The following LRFN5 variants were observed in gnomAD, a reference collection of about 807,000 sequenced individuals.
LRFN5 encodes leucine rich repeat and fibronectin type III domain containing 5.
A neutral mutation model predicts 45.6 loss-of-function variants in LRFN5; 24 were observed. The observed-to-expected ratio is 0.53, with a 90% CI of 0.38 to 0.74. The LOEUF (loss-of-function observed/expected upper bound fraction) is 0.74. Ranked by LOEUF, LRFN5 falls within the 30% of genes least tolerant of loss-of-function variation. The probability of loss-of-function intolerance (pLI) is 0.00; values close to 1 mark genes in which losing one functional copy is unlikely to be tolerated. For synonymous variants in LRFN5, 340 were observed against 313.8 expected (o/e 1.08, Z -0.88); for missense variants, 776 against 861.5 (o/e 0.90, Z 1.24).
At chr14:41,733,561 C>G (rs1884274330) in intron 1 of LRFN5, 1 of 152,028 alleles carries the variant, frequency 6.6e-6, no homozygotes, top group Non-Finnish European at 1.5e-5. Flanking sequence ...AAGGAGAGTT[C>G]TGCAGATCAA....
At chr14:41,748,949 G>C (rs1262136114) in intron 1 of LRFN5, among the ~76,000 whole-genome samples, 2 of 151,680 alleles carry the variant, frequency 1.3e-5, no homozygotes, top group Admixed American at 6.6e-5. Context: ...GGAGGCAGTG[G>C]ATTCTATAGC....
chr14:41,711,800 CAAAGA>C (rs1401110307), intron 1 of LRFN5, among the ~76,000 whole-genome samples: 2 of 151,958 alleles, frequency 1.3e-5, no homozygotes, highest in Non-Finnish European at 2.9e-5. Flanking sequence ...AAGAAGAAGT[CAAAGA>C]AAACAGAATT....
At chr14:41,878,854 T>A (rs1890276361) in intron 2 of LRFN5, among the ~76,000 whole-genome samples, 1 of 152,098 alleles carries the variant, frequency 6.6e-6, no homozygotes, top group African/African-American at 2.4e-5. Context: ...ATTGATTTTT[T>A]AAAAGTGGTT....
chr14:41,625,776 T>A (rs939110011), intron 1 of LRFN5, among the ~76,000 whole-genome samples: 3 of 152,068 alleles, frequency 2.0e-5, no homozygotes, highest in African/African-American at 2.4e-5. Flanking sequence ...GTAAAAAAAA[T>A]GTCAAGTACA....
chr14:41,680,658 G>C (rs1310330394), intron 1 of LRFN5, among the ~76,000 whole-genome samples: 1 of 152,006 alleles, frequency 6.6e-6, no homozygotes. Context: ...CCAAGGACAG[G>C]TACAAGCAAG....
chr14:41,874,193 T>C (rs1270768449), intron 2 of LRFN5, among the ~76,000 whole-genome samples: 1 of 152,128 alleles, frequency 6.6e-6, no homozygotes, highest in East Asian at 1.9e-4. Flanking sequence ...AATGTGTGAG[T>C]CTTTCCTAAT....
rs1890037659 is a variant in LRFN5, at chr14:41,872,037, CCTAT to C, written c.-20-14565_-20-14562del. Among the ~76,000 whole-genome samples, 22 of 152,200 alleles carry C rather than the reference CCTAT, an allele frequency of 1.4e-4. 1 individual carries two copies. In the South Asian group the frequency reaches 4.6e-3, roughly 32 times the overall value. ...TAGCTGGTTTGAAATAATAATCTCT[CCTAT>C]CTAAGTTACTATCAAGAAATGCTTC... On this transcript the variant is annotated intron_variant, in intron 2 of 5. Coordinates refer to ENST00000298119, the MANE Select transcript of LRFN5 (RefSeq NM_152447.5).
At chr14:41,861,834 A>G (rs1053793899) in intron 2 of LRFN5, among the ~76,000 whole-genome samples, 6 of 152,170 alleles carry the variant, frequency 3.9e-5, no homozygotes, top group East Asian at 1.9e-4. Context: ...GAAAAAGACT[A>G]TTGCCAACAG....
intron 1 of LRFN5, among the ~76,000 whole-genome samples, chr14:41,687,530 A>ACG (rs774311849): frequency 2.0e-5 from 3 of 152,208 alleles, no homozygotes; most frequent in Admixed American, 6.5e-5. Context: ...ATAAAGACAC[A>ACG]CGCACACATG....
chr14:41,844,708 C>T (rs9323053), intron 2 of LRFN5, among the ~76,000 whole-genome samples: 2,754 of 152,150 alleles, frequency 0.018, 54 homozygotes, highest in South Asian at 0.06. Flanking sequence ...ATAAGTACTC[C>T]CAACATGGTC....
At chr14:41,857,188 A>G (rs1034592840) in intron 2 of LRFN5, among the ~76,000 whole-genome samples, 4 of 152,158 alleles carry the variant, frequency 2.6e-5, no homozygotes, top group Non-Finnish European at 4.4e-5. Context: ...GTGGAAGTTA[A>G]TCTTCATATT....
chr14:41,798,988 C>A (rs1887230632), intron 2 of LRFN5, among the ~76,000 whole-genome samples: 2 of 151,886 alleles, frequency 1.3e-5, no homozygotes, highest in African/African-American at 4.8e-5. Context: ...CTCTTTTTAT[C>A]ATTTTACCTT....
chr14:41,862,478 CT>C (rs922560717), intron 2 of LRFN5, among the ~76,000 whole-genome samples: 5 of 151,826 alleles, frequency 3.3e-5, no homozygotes, highest in African/African-American at 1.2e-4. Context: ...TGAATTCCTT[CT>C]TTTTTTTCGT....
chr14:41,857,596 T>C (rs941368652), intron 2 of LRFN5, among the ~76,000 whole-genome samples: 2 of 152,222 alleles, frequency 1.3e-5, no homozygotes, highest in African/African-American at 4.8e-5. Flanking sequence ...TCGTTCATTC[T>C]TAAGTCCCAC....
intron 1 of LRFN5, among the ~76,000 whole-genome samples, chr14:41,762,677 A>G (rs1188211493): frequency 6.6e-6 from 1 of 152,092 alleles, no homozygotes; most frequent in Non-Finnish European, 1.5e-5. Flanking sequence ...ATAAAATAGA[A>G]TTTCCTATCT....
intron 1 of LRFN5, among the ~76,000 whole-genome samples, chr14:41,650,272 A>C (rs113275768): frequency 0.44 from 56,245 of 127,602 alleles, 11,572 homozygotes; most frequent in East Asian, 0.64. Flanking sequence ...CACACAAAAA[A>C]AAAAAAGATA....
chr14:41,888,663 A>T (rs796477580), intron 3 of LRFN5, among the ~76,000 whole-genome samples: 4 of 152,082 alleles, frequency 2.6e-5, no homozygotes, highest in African/African-American at 9.6e-5. Flanking sequence ...GTGTTGTCTC[A>T]TGTGTACTGG....
intron 2 of LRFN5, among the ~76,000 whole-genome samples, chr14:41,798,185 A>G (rs1190557135): frequency 6.6e-6 from 1 of 151,954 alleles, no homozygotes; most frequent in East Asian, 1.9e-4. Flanking sequence ...TATCACTTGA[A>G]TTAATCATTT....
intron 1 of LRFN5, among the ~76,000 whole-genome samples, chr14:41,647,900 T>C (rs1879894808): frequency 6.6e-6 from 1 of 152,126 alleles, no homozygotes; most frequent in Non-Finnish European, 1.5e-5. Context: ...ATATCTAAAC[T>C]CAGGTAATTT....
Sources: gnomAD v4.1 joint callset for allele counts (sites outside exome capture counted in the v4.1 genomes callset) on GRCh38, gnomAD v4.1.1 for gene constraint, MANE v1.5 for transcripts, NCBI Gene and HGNC (gene_info 2026-07-23, HGNC 2026-07-21) for gene names.